The following DAPK1 variants were observed in gnomAD, a reference collection of about 807,000 sequenced individuals.
DAPK1 encodes death-associated protein kinase 1.
In DAPK1, 56 loss-of-function variants were observed where a neutral mutation model predicts 144.9. The observed-to-expected ratio is 0.39, with a 90% CI of 0.31 to 0.48. The LOEUF (loss-of-function observed/expected upper bound fraction) is 0.48. Ranked by LOEUF, DAPK1 falls within the 20% of genes least tolerant of loss-of-function variation. DAPK1 has a pLI of 0.95. For missense variants in DAPK1, 1,454 were observed against 1,875.4 expected, an observed-to-expected ratio of 0.78 and a Z score of 4.15; for synonymous variants, 690 against 749.0, an observed-to-expected ratio of 0.92 and a Z score of 1.29.
rs1442084445 is a variant in DAPK1, at chr9:87,697,152, G to A, written c.2559G>A (p.Val853=). 6.3e-7 allele frequency: 1 copy of A among 1,588,520 alleles called. No homozygotes were observed. Among genetic ancestry groups the A allele is most frequent in the South Asian group, 1.1e-5 (1 of 90,600 alleles). ...EEPYEIQLNQ[V]IFWLSFLKSL... is the part of the protein sequence containing the mutation. ...CCTATGAGATCCAGCTGAACCAAGTGATTTTCTGGCTCAGTTTCCTGAAGT... is the reference window on the plus strand; with the variant it reads ...CCTATGAGATCCAGCTGAACCAAGTAATTTTCTGGCTCAGTTTCCTGAAGT... Residue 853 remains valine (V), a synonymous_variant, in exon 22 of 26, where the codon GTG becomes GTA. Transcript: ENST00000408954.
Position 87,707,355 on chromosome 9 carries a change from A to G in DAPK1, c.4284A>G (p.Val1428=). The G allele has an allele frequency of 6.2e-7, 1 of 1,600,318 alleles. No individual in the cohort carries two copies. The highest frequency in any genetic ancestry group is 8.5e-7 in the Non-Finnish European group (1 of 1,171,102). ...CTTACAATTCCATTAGCTCTGTTGT[A>G]TCCCGGTGAGGGCAGCCTCTGGCTT... The part of the protein sequence containing the change: ...GTSYNSISSV[V]SR The change falls in exon 26 of 26, where the codon GTA becomes GTG. Residue 1428 remains valine, a synonymous_variant. Transcript: ENST00000408954. The surrounding 1 kb of genome is among the most constrained non-coding windows in gnomAD (Gnocchi z 4.0).
rs3835042 is a variant in DAPK1 at position 87,639,759 on chromosome 9, G to GT, written c.603-23dup. The GT allele has an allele frequency of 4.7e-3, 7,528 of 1,612,828 alleles. 179 individuals carry two copies. In the East Asian group the frequency reaches 0.057, roughly 12 times the overall value. ...ATTTATTTGACTATTCTTCTGACAT[G>GT]TTTTTTTGTTTGTTTTGTGTTGTTT... On this transcript the variant is annotated intron_variant, in intron 6 of 25. Transcript: ENST00000408954.
chr9:87,628,778 G>C (rs1278825990), intron 3 of DAPK1, among the ~76,000 whole-genome samples: 1 of 152,126 alleles, frequency 6.6e-6, no homozygotes, highest in African/African-American at 2.4e-5. Flanking sequence ...AAACCCCAAG[G>C]AGAGCACCAG....
chr9:87,553,089 T>C (rs919923508), intron 2 of DAPK1, among the ~76,000 whole-genome samples: 1 of 152,338 alleles, frequency 6.6e-6, no homozygotes, highest in South Asian at 2.1e-4. Context: ...TTCTACTTTC[T>C]GTCTCTGAAT....
In DAPK1 at chr9:87,498,040, G is replaced by A. The variant is rs543349629; in HGVS notation, c.-176G>A. 1.8e-5 allele frequency: 7 copies of A among 397,944 alleles called. No individual in the cohort carries two copies. The highest frequency in any genetic ancestry group is 1.2e-4 in the African/African-American group (6 of 48,736). 24.7% of individuals were successfully genotyped at this position (397,944 alleles called of 1,614,324 possible). ...CCCGCCGCCGCCCCGGCTAGTCTCC[G>A]GCGCTGGCGCCTATGGTCGGCCTCC... On this transcript the variant is annotated 5_prime_UTR_variant, in exon 1 of 26. Coordinates refer to ENST00000408954, the MANE Select transcript of DAPK1 (RefSeq NM_004938.4).
chr9:87,699,748 C>G (rs991285833), intron 23 of DAPK1, among the ~76,000 whole-genome samples: 3 of 152,156 alleles, frequency 2.0e-5, no homozygotes, highest in Non-Finnish European at 4.4e-5. Context: ...TTTGCATTCA[C>G]ACCTCTATTC....
At chr9:87,667,762 A>G (rs915608028) in intron 18 of DAPK1, 2 of 152,048 alleles carry the variant, frequency 1.3e-5, no homozygotes, top group East Asian at 3.9e-4. Flanking sequence ...CATCTTTTCT[A>G]CTTTTGAATT....
intron 2 of DAPK1, among the ~76,000 whole-genome samples, chr9:87,530,134 G>A (rs1019894510): frequency 6.6e-6 from 1 of 152,156 alleles, no homozygotes; most frequent in Non-Finnish European, 1.5e-5. Context: ...GCCTAATCTT[G>A]CCCCTCTCTT....
At position 87,590,110 on chromosome 9, in the gene DAPK1, T is replaced by C. The variant is rs1453875449; in HGVS notation, c.63-14844T>C. Among the ~76,000 whole-genome samples, 3 of 152,192 alleles carry C rather than the reference T, an allele frequency of 2.0e-5. No individual in the cohort carries two copies. The East Asian group carries it at 5.8e-4, about 29-fold the overall frequency. Reference sequence around the variant, plus strand: ...CGTTTTCTAGGAATTAATAAGCCAATTAATCTTGGAGAGGGCTCCAATTTG... The same window carrying C: ...CGTTTTCTAGGAATTAATAAGCCAACTAATCTTGGAGAGGGCTCCAATTTG... On this transcript the variant is annotated intron_variant, in intron 2 of 25. Transcript: ENST00000408954.
At chr9:87,622,807 A>C (rs1490956101) in intron 3 of DAPK1, among the ~76,000 whole-genome samples, 1 of 152,058 alleles carries the variant, frequency 6.6e-6, no homozygotes, top group Non-Finnish European at 1.5e-5. Context: ...GCTACTCGGG[A>C]GGTTGAGGCA....
intron 19 of DAPK1, among the ~76,000 whole-genome samples, chr9:87,677,508 C>A (rs1824437806): frequency 6.6e-6 from 1 of 152,148 alleles, no homozygotes; most frequent in Non-Finnish European, 1.5e-5. Context: ...AGGCACAAAA[C>A]AGGAAGAAAG....
chr9:87,698,416 G>A (rs999391762), intron 22 of DAPK1: 2 of 429,914 alleles, frequency 4.7e-6, no homozygotes, highest in Non-Finnish European at 8.3e-6. Flanking sequence ...AGTCATTCTG[G>A]TCCACTTTGA....
chr9:87,505,915 T>G (rs925825395), intron 2 of DAPK1, among the ~76,000 whole-genome samples: 1 of 152,174 alleles, frequency 6.6e-6, no homozygotes, highest in Non-Finnish European at 1.5e-5. Context: ...CTTGAACTCC[T>G]GACCTCAAGT....
chr9:87,639,588 A>C, intron 5 of DAPK1, 62 bp from the exon 6 acceptor site: 1 of 1,611,952 alleles, frequency 6.2e-7, no homozygotes, highest in Non-Finnish European at 8.5e-7. Flanking sequence ...TGGTTGTTGC[A>C]TGAAGATAGA....
chr9:87,705,826 C>T (rs1156663427), intron 25 of DAPK1, among the ~76,000 whole-genome samples: 1 of 152,126 alleles, frequency 6.6e-6, no homozygotes, highest in East Asian at 1.9e-4. Context: ...ATTCAGAATC[C>T]AGTCTAAAAT....
intron 2 of DAPK1, among the ~76,000 whole-genome samples, chr9:87,580,398 G>C (rs1827710071): frequency 6.6e-6 from 1 of 152,174 alleles, no homozygotes; most frequent in African/African-American, 2.4e-5. Context: ...ATTTTCCAGA[G>C]ATGGCAACTG....
chr9:87,523,154 AT>A, intron 2 of DAPK1, among the ~76,000 whole-genome samples: 1 of 152,252 alleles, frequency 6.6e-6, no homozygotes, highest in Middle Eastern at 3.4e-3. Context: ...GTCCATTCAC[AT>A]TGGTTGTGCA....
At chr9:87,638,177 A>C in intron 4 of DAPK1, 96 bp downstream of exon 4, 2 of 1,305,832 alleles carry the variant, frequency 1.5e-6, no homozygotes, top group Non-Finnish European at 2.1e-6. Context: ...AAAGAGTTAC[A>C]TGATTTTCCT....
At chr9:87,693,818 T>G (rs1484606788) in intron 21 of DAPK1, among the ~76,000 whole-genome samples, 2 of 152,214 alleles carry the variant, frequency 1.3e-5, no homozygotes, top group Non-Finnish European at 2.9e-5. Flanking sequence ...CATACGATTT[T>G]TTTTCAGCTG....
Sources: allele counts gnomAD v4.1 joint callset (sites outside exome capture counted in the v4.1 genomes callset), GRCh38; gene constraint gnomAD v4.1.1; non-coding constraint Gnocchi (gnomAD v3.1); transcripts MANE v1.5; gene names NCBI Gene and HGNC (gene_info 2026-07-23, HGNC 2026-07-21).